EVI5L: variants seen among roughly 807,000 people sequenced by gnomAD.
The protein encoded by EVI5L is EVI5-like protein.
A neutral mutation model predicts 106.1 loss-of-function variants in EVI5L; 30 were observed. The observed-to-expected ratio is 0.28, with a 90% CI of 0.21 to 0.38. The LOEUF (loss-of-function observed/expected upper bound fraction) is 0.38. Ranked by LOEUF, EVI5L falls within the 10% of genes least tolerant of loss-of-function variation. EVI5L has a pLI of 1.00. For missense variants in EVI5L, 809 were observed against 1,098.0 expected, an observed-to-expected ratio of 0.74 and a Z score of 3.72; for synonymous variants, 489 against 483.3, an observed-to-expected ratio of 1.01 and a Z score of -0.15.
chr19:7,855,979 GGC>G, intron 10 of EVI5L, 34 bp from the exon 11 acceptor site: 1 of 1,321,882 alleles, frequency 7.6e-7, no homozygotes, highest in Non-Finnish European at 9.7e-7. Flanking sequence ...AGGCGTGGGG[GGC>G]GGGCTATGAC....
rs1024109587 is a variant in EVI5L, at chr19:7,863,851, C to G, written c.*149C>G. 8.6e-7 allele frequency: 1 copy of G among 1,169,170 alleles called. No homozygotes were observed. Among genetic ancestry groups the G allele is most frequent in the Non-Finnish European group, 1.1e-6 (1 of 871,792 alleles). 72.4% of individuals were successfully genotyped at this position (1,169,170 alleles called of 1,614,324 possible). On this transcript the variant is annotated 3_prime_UTR_variant, in exon 20 of 20. Transcript: ENST00000538904. The surrounding 1 kb of genome is among the most constrained non-coding windows in gnomAD (Gnocchi z 7.7). ...TAAAGCGAGGCCCGGCGAGGCAGCG[C>G]AGAGGGTAGGGTCCGACCTGGGCTC...
chr19:7,843,185 A>G (rs1599564038), intron 1 of EVI5L, among the ~76,000 whole-genome samples: 1 of 101,322 alleles, frequency 9.9e-6, no homozygotes, highest in East Asian at 3.2e-4. Flanking sequence ...GAGTATGTGC[A>G]TGTGTGTGTA....
chr19:7,862,917 T>G, intron 17 of EVI5L, 55 bp from the exon 18 acceptor site: 61 of 960,858 alleles, frequency 6.3e-5, no homozygotes, highest in Non-Finnish European at 8.1e-5. Context: ...TCCCGCCCCC[T>G]GATGCGCCGC....
intron 1 of EVI5L, among the ~76,000 whole-genome samples, chr19:7,836,912 C>T (rs979695528): frequency 1.3e-5 from 2 of 150,514 alleles, no homozygotes; most frequent in South Asian, 2.2e-4. Context: ...GGATTACAGA[C>T]ATGAGCCACC....
At chr19:7,855,545 G>A (rs1979479030) in intron 10 of EVI5L, among the ~76,000 whole-genome samples, 1 of 152,234 alleles carries the variant, frequency 6.6e-6, no homozygotes, top group Admixed American at 6.5e-5. Context: ...GAGAAAGGAT[G>A]CATGATCAGC....
intron 1 of EVI5L, 39 bp downstream of exon 1, chr19:7,830,420 A>C (rs1478557438): frequency 1.3e-5 from 2 of 151,264 alleles, no homozygotes; most frequent in Non-Finnish European, 3.0e-5. Context: ...GCGCCTGCTC[A>C]GGCCGGCGGC....
At chr19:7,839,180 G>A (rs569094074) in intron 1 of EVI5L, among the ~76,000 whole-genome samples, 102 of 151,766 alleles carry the variant, frequency 6.7e-4, no homozygotes, top group African/African-American at 2.2e-3. Flanking sequence ...GTGGGTGCCT[G>A]TAGTCCCAGC....
At chr19:7,842,401 A>AGT (rs147538933) in intron 1 of EVI5L, among the ~76,000 whole-genome samples, 2 of 73,006 alleles carry the variant, frequency 2.7e-5, no homozygotes, top group African/African-American at 8.0e-5. Context: ...TGAGAATGTG[A>AGT]GTGTGTGTGT....
At chr19:7,842,634 AAT>A (rs1355279916) in intron 1 of EVI5L, among the ~76,000 whole-genome samples, 2 of 147,128 alleles carry the variant, frequency 1.4e-5, no homozygotes, top group Non-Finnish European at 3.0e-5. Context: ...CGTGTGTGAA[AAT>A]ATGTGAATGT....
chr19:7,831,743 G>A (rs762982720), intron 1 of EVI5L, among the ~76,000 whole-genome samples: 107 of 152,344 alleles, frequency 7.0e-4, no homozygotes, highest in Non-Finnish European at 1.3e-3. Flanking sequence ...CTTCCGTCCT[G>A]AAGTCTGCCC....
chr19:7,862,933 C>CG, intron 17 of EVI5L, 39 bp from the exon 18 acceptor site: 1 of 1,394,324 alleles, frequency 7.2e-7, no homozygotes, highest in Non-Finnish European at 9.7e-7. Context: ...GCCGCGCCCC[C>CG]TGACCCGCCC....
At chr19:7,851,344 G>T in intron 6 of EVI5L, 90 bp from the exon 7 acceptor site, 4 of 1,478,128 alleles carry the variant, frequency 2.7e-6, no homozygotes, top group Non-Finnish European at 3.7e-6. Context: ...GTCCAGGAAG[G>T]CTCCCTGGAG....
At chr19:7,853,039 T>G in intron 8 of EVI5L, 47 bp from the exon 9 acceptor site, 2 of 1,607,898 alleles carry the variant, frequency 1.2e-6, no homozygotes, top group Non-Finnish European at 1.7e-6. Context: ...CCCCCGGTGG[T>G]CAGGGCCTGC....
intron 1 of EVI5L, among the ~76,000 whole-genome samples, chr19:7,831,989 G>A (rs904758123): frequency 2.6e-5 from 4 of 152,284 alleles, no homozygotes; most frequent in African/African-American, 9.6e-5. Context: ...AAAATGTGCT[G>A]AAGAGGCTCG....
chr19:7,841,064 A>G (rs1436141505), intron 1 of EVI5L, among the ~76,000 whole-genome samples: 2 of 151,958 alleles, frequency 1.3e-5, no homozygotes, highest in African/African-American at 2.4e-5. Flanking sequence ...ATTTATCTCA[A>G]TCTGTGAAGG....
rs549381021 is a variant in EVI5L, at chr19:7,863,377, G to A, written c.2140-47G>A. The A allele has an allele frequency of 2.0e-6, 3 of 1,534,040 alleles. No homozygotes were observed. Among genetic ancestry groups the A allele is most frequent in the South Asian group, 1.2e-5 (1 of 82,356 alleles). ...TTGCGGAGGATGCGGCTGGGAGGGCGGGGCAGAAGGCCGGTCCACGCCTGC... is the reference window on the plus strand; with the variant it reads ...TTGCGGAGGATGCGGCTGGGAGGGCAGGGCAGAAGGCCGGTCCACGCCTGC... On this transcript the variant is annotated intron_variant, in intron 19 of 19. Transcript: ENST00000538904. The surrounding 1 kb of genome is among the most constrained non-coding windows in gnomAD (Gnocchi z 7.7).
At chr19:7,859,400 A>G (rs1979691552) in intron 13 of EVI5L, among the ~76,000 whole-genome samples, 1 of 152,110 alleles carries the variant, frequency 6.6e-6, no homozygotes, top group Admixed American at 6.5e-5. Context: ...GAAACCATGG[A>G]GTGCTTGAGA....
Position 7,857,223 on chromosome 19 carries a change from G to C in EVI5L, c.1233+99G>C. 2 of 1,481,420 alleles carry C rather than the reference G, an allele frequency of 1.4e-6. No individual in the cohort carries two copies. The highest frequency in any genetic ancestry group is 1.8e-6 in the Non-Finnish European group (2 of 1,085,022). The allele number at this position is 1,481,420 out of a possible 1,614,324, so 91.8% of individuals were successfully genotyped here. ...AACCGCCTCTTCCCTGCCATTCTGC[G>C]GGCAGGCCTGGCGCCATGCATGGAG... On this transcript the variant is annotated intron_variant, in intron 12 of 19. Transcript: ENST00000538904. This position sits in a 1 kb window ranked among gnomAD's most constrained non-coding sequence, Gnocchi z 4.5.
At position 7,845,570 on chromosome 19, in the gene EVI5L, C is replaced by T. The variant is rs1051712478; in HGVS notation, c.-47-926C>T. On this transcript the variant is annotated intron_variant, in intron 1 of 19. Transcript: ENST00000538904. The surrounding 1 kb of genome is among the most constrained non-coding windows in gnomAD (Gnocchi z 4.0). ...CTTGAGGCTAGGTCCTGTATGATCT[C>T]AGTGTACGGAGGCTCAGAGACACCA... 1.3e-5 allele frequency among the ~76,000 whole-genome samples: 2 copies of T among 152,220 alleles called. No homozygotes were observed. The highest frequency in any genetic ancestry group is 2.9e-5 in the Non-Finnish European group (2 of 68,042).
Sources: allele counts gnomAD v4.1 joint callset (sites outside exome capture counted in the v4.1 genomes callset), GRCh38; gene constraint gnomAD v4.1.1; non-coding constraint Gnocchi (gnomAD v3.1); transcripts MANE v1.5; gene names NCBI Gene and HGNC (gene_info 2026-07-23, HGNC 2026-07-21).